PHF14: variants seen among roughly 807,000 people sequenced by gnomAD.
The protein encoded by PHF14 is PHD finger protein 14.
A neutral mutation model predicts 117.9 loss-of-function variants in PHF14; 55 were observed. The ratio of observed to expected loss-of-function variants is 0.47; its 90% CI spans 0.38 to 0.58. The LOEUF (loss-of-function observed/expected upper bound fraction) is 0.58, where lower values mean the gene tolerates loss of function less well. Ranked by LOEUF, PHF14 falls within the 20% of genes least tolerant of loss-of-function variation. PHF14 has a pLI of 0.00. For synonymous variants in PHF14, 409 were observed against 368.6 expected, an observed-to-expected ratio of 1.11 and a Z score of -1.26; for missense variants, 978 against 1,122.2, an observed-to-expected ratio of 0.87 and a Z score of 1.84.
chr7:11,086,365 T>A (rs1015376086), intron 16 of PHF14, among the ~76,000 whole-genome samples: 1 of 152,194 alleles, frequency 6.6e-6, no homozygotes, highest in African/African-American at 2.4e-5. Flanking sequence ...TCATCGCAGG[T>A]CATTTTTTCT....
At chr7:11,089,705 T>C (rs571198033) in intron 16 of PHF14, among the ~76,000 whole-genome samples, 1 of 151,904 alleles carries the variant, frequency 6.6e-6, no homozygotes, top group Non-Finnish European at 1.5e-5. Flanking sequence ...CTCATGAATA[T>C]ACTATTAAAA....
chr7:11,030,048 C>G (rs987221367), intron 7 of PHF14, among the ~76,000 whole-genome samples: 7 of 151,542 alleles, frequency 4.6e-5, no homozygotes, highest in African/African-American at 1.7e-4. Context: ...GTTTTTGATA[C>G]ATATAGCTGT....
At position 11,023,013 on chromosome 7, in the gene PHF14, A is replaced by G. The variant is rs1399713055; in HGVS notation, c.1317+34A>G. On this transcript the variant is annotated intron_variant, in intron 6 of 17. Coordinates refer to ENST00000634607, the MANE Select transcript of PHF14 (RefSeq NM_001007157.2). ...CAAAGCATTTTTGATTGCTTGAAAG[A>G]GAAAGGTTTTACTTGTTAGTTTACC... is the stretch of plus-strand genomic sequence containing the variant. 2.4e-6 allele frequency: 3 copies of G among 1,231,676 alleles called. No homozygotes were observed. The South Asian group carries it at 4.0e-5, about 16-fold the overall frequency. The allele number at this position is 1,231,676 out of a possible 1,614,324, so 76.3% of individuals were successfully genotyped here. A position where few individuals can be genotyped will look rare whatever the true frequency, so the allele number is the denominator to read the frequency against.
intron 6 of PHF14, among the ~76,000 whole-genome samples, chr7:11,024,453 C>G (rs1276511724): frequency 6.6e-6 from 1 of 152,198 alleles, no homozygotes; most frequent in Non-Finnish European, 1.5e-5. Flanking sequence ...AAGATGCCAT[C>G]TAGGACTTAC....
chr7:10,999,330 A>G (rs1172461733), intron 4 of PHF14, among the ~76,000 whole-genome samples: 13 of 152,278 alleles, frequency 8.5e-5, no homozygotes, highest in African/African-American at 3.1e-4. Context: ...ATATTTGAAT[A>G]TATAGTTCCT....
In PHF14 at chr7:11,036,967, G is replaced by A. The variant is rs759540775; in HGVS notation, c.1874-18G>A. On this transcript the variant is annotated intron_variant, in intron 9 of 17. Transcript: ENST00000634607. Reference sequence around the variant, plus strand: ...TTTACTTCCTACTAAAGTAAAATTCGATATTTCATTTAAATAGAGAGAAAT... The same window carrying A: ...TTTACTTCCTACTAAAGTAAAATTCAATATTTCATTTAAATAGAGAGAAAT... The A allele has an allele frequency of 1.1e-5, 16 of 1,446,838 alleles. No individual in the cohort carries two copies. The highest frequency in any genetic ancestry group is 1.4e-5 in the Non-Finnish European group (15 of 1,064,960). 89.6% of individuals were successfully genotyped at this position (1,446,838 alleles called of 1,614,324 possible).
At chr7:10,994,249 CCAA>C (rs1782555404) in intron 4 of PHF14, among the ~76,000 whole-genome samples, 1 of 151,984 alleles carries the variant, frequency 6.6e-6, no homozygotes, top group Non-Finnish European at 1.5e-5. Context: ...GCCAGCCTGT[CCAA>C]CATGGTGAAA....
intron 16 of PHF14, chr7:11,106,379 T>C: frequency 1.0e-6 from 1 of 974,954 alleles, no homozygotes; most frequent in Non-Finnish European, 1.2e-6. Context: ...TCCACGTTAG[T>C]CTTATATTTG....
intron 16 of PHF14, among the ~76,000 whole-genome samples, chr7:11,095,344 T>C (rs777606208): frequency 3.9e-5 from 6 of 152,244 alleles, no homozygotes; most frequent in East Asian, 3.8e-4. Flanking sequence ...GCTGGGATTT[T>C]AGTCCAGGAA....
chr7:11,062,068 C>A lies in PHF14; in HGVS notation c.2637C>A (p.Asp879Glu), dbSNP rs778676819. The change falls in exon 16 of 18, where the codon GAC becomes GAA. Residue 879 changes from aspartate (D) to glutamate (E), a missense_variant. Transcript: ENST00000634607. Reference sequence around the variant, plus strand: ...GTGCAACTTGCAAGGGAACTGGAGACAATGAAAATCTTGTCAGGTAAGTTG... The same window carrying A: ...GTGCAACTTGCAAGGGAACTGGAGAAAATGAAAATCTTGTCAGGTAAGTTG... ...TECATCKGTGDNENLVRCDEC... is the reference protein window; with the variant it reads ...TECATCKGTGENENLVRCDEC... 1 of 1,606,282 alleles carries A rather than the reference C, an allele frequency of 6.2e-7. No individual in the cohort carries two copies. The highest frequency in any genetic ancestry group is 8.5e-7 in the Non-Finnish European group (1 of 1,176,116).
intron 4 of PHF14, chr7:11,006,802 C>A: frequency 1.2e-6 from 1 of 801,056 alleles, no homozygotes; most frequent in African/African-American, 1.7e-5. Flanking sequence ...CCTTCTTGGC[C>A]TTGAAAGCCT....
At chr7:10,993,311 C>G (rs1171385162) in intron 4 of PHF14, among the ~76,000 whole-genome samples, 1 of 152,066 alleles carries the variant, frequency 6.6e-6, no homozygotes, top group Admixed American at 6.5e-5. Context: ...GGTATTACAG[C>G]CCTTGTCCCA....
At chr7:11,015,194 T>G (rs1783493505) in intron 5 of PHF14, 1 of 152,164 alleles carries the variant, frequency 6.6e-6, no homozygotes, top group Non-Finnish European at 1.5e-5. Context: ...CTTTTAAATT[T>G]AATAAATTTT....
intron 17 of PHF14, among the ~76,000 whole-genome samples, chr7:11,132,720 C>G (rs144153293): frequency 1.3e-5 from 2 of 151,700 alleles, no homozygotes; most frequent in Non-Finnish European, 3.0e-5. Flanking sequence ...TTCCTACTAA[C>G]AGTGTACATG....
intron 14 of PHF14, among the ~76,000 whole-genome samples, chr7:11,058,263 A>G (rs1466877822): frequency 1.3e-5 from 2 of 152,052 alleles, no homozygotes; most frequent in Non-Finnish European, 2.9e-5. Context: ...GCTTTTTTGT[A>G]CCATTTCTCC....
intron 16 of PHF14, among the ~76,000 whole-genome samples, chr7:11,080,115 A>T (rs1039666172): frequency 6.6e-6 from 1 of 152,138 alleles, no homozygotes; most frequent in Non-Finnish European, 1.5e-5. Flanking sequence ...GTTTATTTGC[A>T]CCTGTGAGAA....
intron 14 of PHF14, among the ~76,000 whole-genome samples, chr7:11,052,407 T>G (rs527701607): frequency 6.6e-6 from 1 of 152,306 alleles, no homozygotes; most frequent in East Asian, 1.9e-4. Flanking sequence ...GCAGTTAGGT[T>G]TTTTTCATGT....
chr7:11,122,771 C>G (rs1787814446), intron 17 of PHF14, among the ~76,000 whole-genome samples: 1 of 152,062 alleles, frequency 6.6e-6, no homozygotes, highest in South Asian at 2.1e-4. Flanking sequence ...TTCCACTGCC[C>G]TATAGTTCCA....
At chr7:11,099,608 C>T (rs528269975) in intron 16 of PHF14, among the ~76,000 whole-genome samples, 2 of 152,010 alleles carry the variant, frequency 1.3e-5, no homozygotes, top group African/African-American at 4.8e-5. Flanking sequence ...TTAAATTATA[C>T]AAGGGAAGGA....
Sources: allele counts gnomAD v4.1 joint callset (sites outside exome capture counted in the v4.1 genomes callset), GRCh38; gene constraint gnomAD v4.1.1; transcripts MANE v1.5; gene names NCBI Gene and HGNC (gene_info 2026-07-23, HGNC 2026-07-21).